The following FREM3 variants were observed in gnomAD, a reference collection of about 807,000 sequenced individuals.
FREM3 encodes FRAS1 related extracellular matrix 3, also known as FRAS1-related extracellular matrix protein 3.
In FREM3, 105 loss-of-function variants were observed where a neutral mutation model predicts 129.1. The ratio of observed to expected loss-of-function variants is 0.81; its 90% CI spans 0.69 to 0.96. FREM3 has a LOEUF of 0.96. Ranked by LOEUF, FREM3 falls within the 40% of genes least tolerant of loss-of-function variation. The pLI is 0.00. For synonymous variants in FREM3, 1,014 were observed against 1,044.9 expected (o/e 0.97, Z 0.57); for missense variants, 2,593 against 2,666.3 (o/e 0.97, Z 0.61).
At chr4:143,672,201 C>T (rs1371783163) in intron 2 of FREM3, among the ~76,000 whole-genome samples, 1 of 152,310 alleles carries the variant, frequency 6.6e-6, no homozygotes, top group East Asian at 1.9e-4. Flanking sequence ...GCATAAATGA[C>T]CTCGAAACCC....
rs1037343279 is a variant in FREM3 at position 143,652,104 on chromosome 4, A to T, written c.5276-24344T>A. Among the ~76,000 whole-genome samples, 3 of 113,298 alleles carry T rather than the reference A, an allele frequency of 2.6e-5. 1 individual carries two copies. Among genetic ancestry groups the T allele is most frequent in the Non-Finnish European group, 6.3e-5 (3 of 47,924 alleles). 74.3% of individuals were successfully genotyped at this position (113,298 alleles called of 152,430 possible). On this transcript the variant is annotated intron_variant, in intron 2 of 7. Transcript: ENST00000329798. The stretch of plus-strand genomic sequence containing the variant: ...TTTTCCTGGTGTGCCCTAAATATAT[A>T]AATTTAAAAATAACTATTCATTCAA...
chr4:143,637,223 C>T (rs553375228), intron 2 of FREM3, among the ~76,000 whole-genome samples: 1 of 152,088 alleles, frequency 6.6e-6, no homozygotes, highest in African/African-American at 2.4e-5. Flanking sequence ...ATGCACAGCT[C>T]CAGTTACATG....
chr4:143,639,311 C>T lies in FREM3; in HGVS notation c.5276-11551G>A, dbSNP rs115271535. Among the ~76,000 whole-genome samples, 1,204 of 152,124 alleles carry T rather than the reference C, an allele frequency of 7.9e-3. 9 individuals carry two copies. The highest frequency in any genetic ancestry group is 0.015 in the Non-Finnish European group (1,003 of 67,988). ...ATTTCAAATAGTTCAACTTGACATA[C>T]GGGCAGTGTCAGCATGTCGTGGGAA... On this transcript the variant is annotated intron_variant, in intron 2 of 7. Transcript: ENST00000329798.
chr4:143,595,845 G>A (rs1041835116), intron 6 of FREM3, among the ~76,000 whole-genome samples: 4 of 137,548 alleles, frequency 2.9e-5, no homozygotes, highest in Non-Finnish European at 4.6e-5. Context: ...CTGAGATCAC[G>A]CCACTGCACT....
At chr4:143,646,321 T>A (rs1739414984) in intron 2 of FREM3, among the ~76,000 whole-genome samples, 1 of 152,236 alleles carries the variant, frequency 6.6e-6, no homozygotes, top group Admixed American at 6.5e-5. Context: ...CAAACATTAC[T>A]TAAGGTATTA....
rs1271361202 is a variant in FREM3, at chr4:143,697,222, C to G, written c.3454G>C (p.Val1152Leu). ...TCTACTCCCTTGTGAATACTCTGTACATAATTGATATGCCTCACTTGGATA... is the reference window on the plus strand; with the variant it reads ...TCTACTCCCTTGTGAATACTCTGTAGATAATTGATATGCCTCACTTGGATA... ...RDIQVRHINY[V>L]QSIHKGVEPQ... The change falls in exon 1 of 8, where the codon GTA becomes CTA. Residue 1152 changes from valine (V) to leucine (L), a missense_variant. Transcript: ENST00000329798. The G allele has an allele frequency of 2.6e-6, 4 of 1,537,744 alleles. No individual in the cohort carries two copies. The East Asian group carries it at 9.8e-5, about 38-fold the overall frequency.
At chr4:143,640,634 C>T (rs1739307228) in intron 2 of FREM3, among the ~76,000 whole-genome samples, 1 of 152,154 alleles carries the variant, frequency 6.6e-6, no homozygotes, top group African/African-American at 2.4e-5. Context: ...CGTGCCATTG[C>T]ACTCCAGCCT....
At chr4:143,630,969 A>G (rs1294623262) in intron 2 of FREM3, among the ~76,000 whole-genome samples, 3 of 152,176 alleles carry the variant, frequency 2.0e-5, no homozygotes, top group Non-Finnish European at 4.4e-5. Flanking sequence ...CAGTAAGTAC[A>G]TGTATTGGCC....
At chr4:143,634,614 C>T (rs1739202963) in intron 2 of FREM3, among the ~76,000 whole-genome samples, 1 of 152,102 alleles carries the variant, frequency 6.6e-6, no homozygotes, top group Admixed American at 6.6e-5. Flanking sequence ...CCTGCCTCCT[C>T]ATGTGTGGCT....
At chr4:143,581,176 C>G (rs1288441900) in intron 7 of FREM3, among the ~76,000 whole-genome samples, 1 of 152,200 alleles carries the variant, frequency 6.6e-6, no homozygotes, top group Non-Finnish European at 1.5e-5. Context: ...CCACTGTTAT[C>G]CTCACTGGGT....
At chr4:143,634,549 T>A (rs1405048939) in intron 2 of FREM3, among the ~76,000 whole-genome samples, 1 of 152,034 alleles carries the variant, frequency 6.6e-6, no homozygotes, top group Non-Finnish European at 1.5e-5. Context: ...CCCTGGACTT[T>A]GAAGCTCCAA....
intron 2 of FREM3, among the ~76,000 whole-genome samples, chr4:143,683,409 T>C (rs746154721): frequency 3.9e-5 from 6 of 152,090 alleles, no homozygotes; most frequent in Non-Finnish European, 5.9e-5. Context: ...CACACCCCCA[T>C]TGGAGAAGCT....
chr4:143,647,250 T>A (rs111650617), intron 2 of FREM3, among the ~76,000 whole-genome samples: 4,506 of 44,698 alleles, frequency 0.1, 83 homozygotes, highest in Non-Finnish European at 0.18. Context: ...GCAGAAGAAA[T>A]TTCTATGTGA....
intron 2 of FREM3, among the ~76,000 whole-genome samples, chr4:143,637,361 G>C (rs1560853271): frequency 6.6e-6 from 1 of 152,144 alleles, no homozygotes. Context: ...TGTCAGCTAG[G>C]TCTCCATTTT....
In FREM3 at chr4:143,691,294, T is replaced by C. The variant is rs556896116; in HGVS notation, c.5275+1819A>G. On this transcript the variant is annotated intron_variant, in intron 2 of 7. Transcript: ENST00000329798. ...CTAACTTTTGTCCACGGCTTCAGCT[T>C]CCCAAAGCAGAGTGAGTGTATACTG... Among the ~76,000 whole-genome samples the C allele has an allele frequency of 6.6e-5, 10 of 152,142 alleles. 1 individual carries two copies. In the East Asian group the frequency reaches 1.7e-3, roughly 26 times the overall value.
intron 2 of FREM3, among the ~76,000 whole-genome samples, chr4:143,682,687 C>T (rs995923636): frequency 6.6e-6 from 1 of 152,084 alleles, no homozygotes; most frequent in African/African-American, 2.4e-5. Flanking sequence ...TAGTCACTAC[C>T]CTTTACCATT....
At chr4:143,604,462 A>G (rs775211626) in intron 6 of FREM3, among the ~76,000 whole-genome samples, 17 of 152,124 alleles carry the variant, frequency 1.1e-4, no homozygotes, top group Non-Finnish European at 1.9e-4. Flanking sequence ...TGGCTCAGAT[A>G]AACTCTATAT....
chr4:143,577,989 T>C, intron 7 of FREM3, 137 bp from the exon 8 acceptor site: 2 of 1,016,894 alleles, frequency 2.0e-6, no homozygotes, highest in South Asian at 1.7e-5. Flanking sequence ...TACTTTGGGT[T>C]TGATCCCCAG....
At chr4:143,663,496 G>T (rs890720381) in intron 2 of FREM3, among the ~76,000 whole-genome samples, 13 of 152,050 alleles carry the variant, frequency 8.5e-5, no homozygotes, top group South Asian at 6.2e-4. Context: ...ACCCGACCTT[G>T]CTCTCTGGCT....
Sources: allele counts gnomAD v4.1 joint callset (sites outside exome capture counted in the v4.1 genomes callset), GRCh38; gene constraint gnomAD v4.1.1; transcripts MANE v1.5; gene names NCBI Gene and HGNC (gene_info 2026-07-23, HGNC 2026-07-21).